PTDSS2: variants seen among roughly 807,000 people sequenced by gnomAD.
PTDSS2 encodes phosphatidylserine synthase 2, also known as PSS-2.
In PTDSS2, 41 loss-of-function variants were observed where a neutral mutation model predicts 64.7. The observed-to-expected ratio is 0.63, with a 90% CI of 0.49 to 0.82. The LOEUF (loss-of-function observed/expected upper bound fraction) is 0.82. PTDSS2 is among the 40% of genes least tolerant of loss of function. PTDSS2 has a pLI of 0.00. For missense variants in PTDSS2, 485 were observed against 650.0 expected (o/e 0.75, Z 2.76); for synonymous variants, 297 against 277.8 (o/e 1.07, Z -0.69).
In PTDSS2 at chr11:489,102, C is replaced by T. The variant is rs556347609; in HGVS notation, c.855-298C>T. ...ATGGCTAGCTCACGGCACCGTGGAG[C>T]GCCCTCTGAGGCGCTGCAGCCACTG... On this transcript the variant is annotated intron_variant, in intron 8 of 11. Coordinates refer to ENST00000308020, the MANE Select transcript of PTDSS2 (RefSeq NM_030783.3). 1.2e-4 allele frequency among the ~76,000 whole-genome samples: 18 copies of T among 152,356 alleles called. No individual in the cohort carries two copies. The East Asian group carries it at 2.9e-3, about 25-fold the overall frequency.
chr11:489,267 G>A (rs373419362), intron 8 of PTDSS2, 133 bp from the exon 9 acceptor site: 16 of 705,356 alleles, frequency 2.3e-5, no homozygotes, highest in African/African-American at 1.1e-4. Flanking sequence ...AGGGCGGGGC[G>A]GGGTGACCAA....
At chr11:450,723 G>T in intron 1 of PTDSS2, 86 bp downstream of exon 1, 2 of 1,119,446 alleles carry the variant, frequency 1.8e-6, no homozygotes, top group Non-Finnish European at 2.3e-6. Context: ...CCCCGGCAGC[G>T]CCCTCTCGCC....
At chr11:481,083 C>CA (rs749112324) in intron 4 of PTDSS2, among the ~76,000 whole-genome samples, 1,908 of 109,254 alleles carry the variant, frequency 0.017, 22 homozygotes, top group Middle Eastern at 0.036. Context: ...GACTCCGCCT[C>CA]AAAAAAAAAA....
intron 1 of PTDSS2, among the ~76,000 whole-genome samples, chr11:452,506 G>C (rs1846382055): frequency 1.3e-5 from 2 of 152,246 alleles, no homozygotes; most frequent in African/African-American, 4.8e-5. Flanking sequence ...TTGGGACACA[G>C]ACGGCTGGGC....
At chr11:458,504 C>T (rs1435107717) in intron 1 of PTDSS2, among the ~76,000 whole-genome samples, 12 of 144,758 alleles carry the variant, frequency 8.3e-5, no homozygotes, top group Non-Finnish European at 1.8e-4. Context: ...CGCGCCTGGC[C>T]TGATTTTTTT....
chr11:450,875 C>G (rs1379123774), intron 1 of PTDSS2, among the ~76,000 whole-genome samples: 1 of 152,082 alleles, frequency 6.6e-6, no homozygotes, highest in African/African-American at 2.4e-5. Flanking sequence ...CTGGGCAGAC[C>G]CTCCCTGCGG....
chr11:459,408 A>T (rs886877626), intron 1 of PTDSS2: 1 of 151,780 alleles, frequency 6.6e-6, no homozygotes, highest in Non-Finnish European at 1.5e-5. Context: ...CCTGGGTTAG[A>T]CATGAGGAAA....
intron 2 of PTDSS2, among the ~76,000 whole-genome samples, chr11:467,331 G>A (rs1044174423): frequency 2.0e-5 from 3 of 152,164 alleles, no homozygotes; most frequent in Admixed American, 6.5e-5. Context: ...CTGCATACCC[G>A]ACGGAGCAGC....
chr11:469,960 G>C (rs1204541705), intron 2 of PTDSS2, among the ~76,000 whole-genome samples: 1 of 152,166 alleles, frequency 6.6e-6, no homozygotes, highest in Non-Finnish European at 1.5e-5. Flanking sequence ...ATATAACCCA[G>C]AGTAGAAAAT....
chr11:456,760 C>T (rs1287359607), intron 1 of PTDSS2, among the ~76,000 whole-genome samples: 1 of 152,182 alleles, frequency 6.6e-6, no homozygotes, highest in East Asian at 1.9e-4. Context: ...CGTGGGTTCT[C>T]TGCTGTGATT....
At chr11:487,371 TG>T (rs1200200111) in intron 5 of PTDSS2, 48 bp from the exon 6 acceptor site, 14 of 1,548,550 alleles carry the variant, frequency 9.0e-6, no homozygotes, top group South Asian at 2.2e-5. Context: ...GTGTGGGGAG[TG>T]GGGGTGGCTG....
rs1053852217 is a variant in PTDSS2, at chr11:470,877, C to T, written c.285-3018C>T. 2.6e-5 allele frequency among the ~76,000 whole-genome samples: 4 copies of T among 151,890 alleles called. No individual in the cohort carries two copies. The East Asian group carries it at 5.8e-4, about 22-fold the overall frequency. On this transcript the variant is annotated intron_variant, in intron 2 of 11. Transcript: ENST00000308020. This position sits in a 1 kb window ranked among gnomAD's most constrained non-coding sequence, Gnocchi z 5.3. ...TGCTGGGATTACAGGCGTGAGCCAC[C>T]GCACCCAGCCAGCACCGGCTTATTA...
At chr11:487,116 G>A in intron 5 of PTDSS2, 43 bp downstream of exon 5, 1 of 1,578,718 alleles carries the variant, frequency 6.3e-7, no homozygotes. Flanking sequence ...CCCCAGGTGT[G>A]GCCCCGTGCC....
In PTDSS2 at chr11:460,223, C is replaced by T; in HGVS notation, c.219C>T (p.Thr73=). 1 of 1,614,228 alleles carries T rather than the reference C, an allele frequency of 6.2e-7. No individual in the cohort carries two copies. Among genetic ancestry groups the T allele is most frequent in the Admixed American group, 1.7e-5 (1 of 60,022 alleles). ...CCTTAACCGTGCTCTTCATCCTCACCTGTACGCTTGGCTATGTGACGCTGC... is the reference window on the plus strand; with the variant it reads ...CCTTAACCGTGCTCTTCATCCTCACTTGTACGCTTGGCTATGTGACGCTGC... ...AHTLTVLFIL[T]CTLGYVTLLE... is the part of the protein sequence containing the mutation. The change falls in exon 2 of 12, where the codon ACC becomes ACT. Residue 73 remains threonine, a synonymous_variant. Coordinates refer to ENST00000308020, the MANE Select transcript of PTDSS2 (RefSeq NM_030783.3). This position sits in a 1 kb window ranked among gnomAD's most constrained non-coding sequence, Gnocchi z 5.8.
intron 2 of PTDSS2, among the ~76,000 whole-genome samples, chr11:467,766 A>G (rs545819855): frequency 1.3e-5 from 2 of 152,340 alleles, no homozygotes; most frequent in East Asian, 3.9e-4. Flanking sequence ...ATAGATAGAT[A>G]GATTCTTACC....
At chr11:459,850 C>A in intron 1 of PTDSS2, 1 of 296,550 alleles carries the variant, frequency 3.4e-6, no homozygotes, top group Non-Finnish European at 6.5e-6. Flanking sequence ...CAGTGAAAAG[C>A]GCGTGTTTTA....
At chr11:459,057 C>G (rs1259698777) in intron 1 of PTDSS2, 32 of 146,882 alleles carry the variant, frequency 2.2e-4, no homozygotes, top group East Asian at 1.4e-3. Context: ...GACGTGAGGA[C>G]ACACTCCGGT....
chr11:459,024 C>CGGTGG (rs1846732626), intron 1 of PTDSS2: 1 of 152,222 alleles, frequency 6.6e-6, no homozygotes, highest in African/African-American at 2.4e-5. Context: ...GGACACACTC[C>CGGTGG]AGTGGATGTA....
chr11:489,489 T>C lies in PTDSS2; in HGVS notation c.944T>C (p.Leu315Pro), dbSNP rs746814831. Residue 315 changes from leucine (L) to proline (P), a missense_variant, in exon 9 of 12, where the codon CTG (leucine) becomes CCG (proline). By Grantham distance (98) the Leu-to-Pro change is moderately conservative. Coordinates refer to ENST00000308020, the MANE Select transcript of PTDSS2 (RefSeq NM_030783.3). Reference protein sequence around the residue: ...WKPASSLRRWLAVCGIILVFL... With the variant: ...WKPASSLRRWPAVCGIILVFL... ...CCGGCCTCCAGCCTGCGTCGCTGGC[T>C]GGCCGTGTGCGGCATCATCCTGGTG... 17 of 1,613,070 alleles carry C rather than the reference T, an allele frequency of 1.1e-5. No individual in the cohort carries two copies. The highest frequency in any genetic ancestry group is 1.4e-5 in the Non-Finnish European group (17 of 1,179,814).
Sources: allele counts gnomAD v4.1 joint callset (sites outside exome capture counted in the v4.1 genomes callset), GRCh38; gene constraint gnomAD v4.1.1; non-coding constraint Gnocchi (gnomAD v3.1); transcripts MANE v1.5; gene names NCBI Gene and HGNC (gene_info 2026-07-23, HGNC 2026-07-21).